Variants in RARB observed in about 807,000 individuals in gnomAD.
The protein encoded by RARB is retinoic acid receptor beta.
RARB carries 17 observed loss-of-function variants against 51.9 expected under a neutral mutation model. The observed-to-expected ratio is 0.33, with a 90% CI of 0.22 to 0.49. RARB has a LOEUF of 0.49. RARB is among the 20% of genes least tolerant of loss of function. The probability of loss-of-function intolerance (pLI) is 0.99; values close to 1 mark genes in which losing one functional copy is unlikely to be tolerated. For synonymous variants in RARB, 215 were observed against 195.4 expected (o/e 1.10, Z -0.84); for missense variants, 369 against 550.8 (o/e 0.67, Z 3.30).
chr3:25,408,158 C>G (rs981795069), intron 5 of RARB, among the ~76,000 whole-genome samples: 9 of 152,282 alleles, frequency 5.9e-5, no homozygotes, highest in Middle Eastern at 6.8e-3. Context: ...ATTAACTACA[C>G]TGAACAGGCT....
At chr3:24,897,662 T>G (rs1037354795) in intron 2 of RARB, among the ~76,000 whole-genome samples, 1 of 152,158 alleles carries the variant, frequency 6.6e-6, no homozygotes, top group Admixed American at 6.5e-5. Context: ...AGGCCTTCCA[T>G]TCCTTTTATA....
intron 5 of RARB, among the ~76,000 whole-genome samples, chr3:25,413,850 G>T (rs1393317760): frequency 6.6e-6 from 1 of 151,986 alleles, no homozygotes. Context: ...GTAGCACACT[G>T]GTTGTTAAAT....
At chr3:25,519,821 G>A (rs1698328971) in intron 3 of RARB, among the ~76,000 whole-genome samples, 1 of 152,174 alleles carries the variant, frequency 6.6e-6, no homozygotes, top group Non-Finnish European at 1.5e-5. Context: ...GTAATGTTGG[G>A]CATTGACAAT....
chr3:25,375,749 G>C (rs1178989923), intron 5 of RARB, among the ~76,000 whole-genome samples: 1 of 152,174 alleles, frequency 6.6e-6, no homozygotes, highest in East Asian at 1.9e-4. Flanking sequence ...TAAACATGTA[G>C]ATGTATGCTG....
intron 2 of RARB, among the ~76,000 whole-genome samples, chr3:25,035,012 G>A (rs924178153): frequency 1.3e-5 from 2 of 152,186 alleles, no homozygotes; most frequent in African/African-American, 4.8e-5. Context: ...CATTCCACAT[G>A]TGATATGATA....
At chr3:25,252,581 C>T (rs944736375) in intron 5 of RARB, among the ~76,000 whole-genome samples, 14 of 152,034 alleles carry the variant, frequency 9.2e-5, no homozygotes, top group African/African-American at 2.2e-4. Context: ...AAGCTTATTC[C>T]GAACTATTTT....
chr3:25,457,277 G>A (rs1419216580), intron 1 of RARB, among the ~76,000 whole-genome samples: 2 of 152,282 alleles, frequency 1.3e-5, no homozygotes, highest in South Asian at 2.1e-4. Flanking sequence ...AATTTGTCAA[G>A]GATAAGGGAT....
intron 5 of RARB, among the ~76,000 whole-genome samples, chr3:25,334,726 G>T (rs1705013888): frequency 1.3e-5 from 2 of 150,442 alleles, no homozygotes; most frequent in African/African-American, 4.9e-5. Flanking sequence ...ATAAATAAGT[G>T]GTTTCCTCTA....
chr3:25,017,444 T>C (rs1697537707), intron 2 of RARB, among the ~76,000 whole-genome samples: 1 of 152,032 alleles, frequency 6.6e-6, no homozygotes, highest in Admixed American at 6.6e-5. Flanking sequence ...TTAATTCAAA[T>C]ATAAAATTGA....
At chr3:25,385,519 C>T (rs1440116219) in intron 5 of RARB, among the ~76,000 whole-genome samples, 2 of 152,146 alleles carry the variant, frequency 1.3e-5, no homozygotes, top group East Asian at 1.9e-4. Context: ...TCGGAGGCCC[C>T]CAAATGAGCA....
At chr3:25,149,250 T>G (rs990813564) in intron 4 of RARB, among the ~76,000 whole-genome samples, 1 of 152,202 alleles carries the variant, frequency 6.6e-6, no homozygotes, top group Admixed American at 6.5e-5. Context: ...TTTCTAAAAT[T>G]TGTGAAGAAT....
chr3:24,947,294 G>A (rs945544465), intron 2 of RARB, among the ~76,000 whole-genome samples: 8 of 152,160 alleles, frequency 5.3e-5, no homozygotes, highest in South Asian at 2.1e-4. Flanking sequence ...CTTCCTTTAC[G>A]ATGACATCAT....
At chr3:25,394,679 G>C (rs1227836277) in intron 5 of RARB, among the ~76,000 whole-genome samples, 7 of 151,990 alleles carry the variant, frequency 4.6e-5, no homozygotes, top group Non-Finnish European at 1.0e-4. Context: ...TTTAACTCTT[G>C]TTGCTTTGAA....
At chr3:25,249,144 AT>A (rs1050498875) in intron 5 of RARB, among the ~76,000 whole-genome samples, 3 of 151,976 alleles carry the variant, frequency 2.0e-5, no homozygotes, top group Admixed American at 2.0e-4. Context: ...CTTTTTTAAA[AT>A]TTTTATCTGG....
chr3:25,413,627 T>A (rs1372255081), intron 5 of RARB, among the ~76,000 whole-genome samples: 2 of 152,204 alleles, frequency 1.3e-5, no homozygotes, highest in African/African-American at 4.8e-5. Context: ...TTTCTCCACA[T>A]CTTCACCAAC....
intron 4 of RARB, among the ~76,000 whole-genome samples, chr3:25,173,473 TAAAG>T (rs975319151): frequency 9.9e-5 from 15 of 152,162 alleles, no homozygotes; most frequent in African/African-American, 3.6e-4. Context: ...ATGTTGATAA[TAAAG>T]AAGTGATACA....
intron 5 of RARB, among the ~76,000 whole-genome samples, chr3:25,190,775 T>G (rs575753927): frequency 3.3e-5 from 5 of 152,234 alleles, no homozygotes; most frequent in African/African-American, 1.2e-4. Context: ...CGCGTGCTGC[T>G]TAGAATGAGT....
At chr3:24,868,753 T>C (rs1702895751) in intron 2 of RARB, among the ~76,000 whole-genome samples, 1 of 152,202 alleles carries the variant, frequency 6.6e-6, no homozygotes, top group South Asian at 2.1e-4. Flanking sequence ...CCCGTTATCT[T>C]AACCCAGACA....
intron 2 of RARB, among the ~76,000 whole-genome samples, chr3:25,483,660 C>G (rs1043809091): frequency 6.7e-6 from 1 of 148,666 alleles, no homozygotes; most frequent in Non-Finnish European, 1.5e-5. Flanking sequence ...GAAAACAAAA[C>G]AAAACCCAGA....
Sources: gnomAD v4.1 joint callset for allele counts (sites outside exome capture counted in the v4.1 genomes callset) on GRCh38, gnomAD v4.1.1 for gene constraint, MANE v1.5 for transcripts, NCBI Gene and HGNC (gene_info 2026-07-23, HGNC 2026-07-21) for gene names.